CAPZB: variants seen among roughly 807,000 people sequenced by gnomAD.
CAPZB encodes F-actin-capping protein subunit beta.
A neutral mutation model predicts 38.1 loss-of-function variants in CAPZB; 2 were observed. The ratio of observed to expected loss-of-function variants is 0.05; its 90% CI spans 0.02 to 0.17. The LOEUF (loss-of-function observed/expected upper bound fraction) is 0.17, where lower values mean the gene tolerates loss of function less well. Ranked by LOEUF, CAPZB falls within the 10% of genes least tolerant of loss-of-function variation. The pLI is 1.00. For synonymous variants in CAPZB, 107 were observed against 127.4 expected (o/e 0.84, Z 1.08); for missense variants, 161 against 334.2 (o/e 0.48, Z 4.04).
At chr1:19,416,127 G>C (rs542199066) in intron 2 of CAPZB, among the ~76,000 whole-genome samples, 36 of 152,306 alleles carry the variant, frequency 2.4e-4, no homozygotes, top group African/African-American at 8.2e-4. Context: ...TAAATGGCCT[G>C]GTTCCGAGAA....
At chr1:19,365,071 T>G (rs2094076031) in intron 4 of CAPZB, among the ~76,000 whole-genome samples, 1 of 152,162 alleles carries the variant, frequency 6.6e-6, no homozygotes, top group Non-Finnish European at 1.5e-5. Context: ...CTTGAACTCC[T>G]GGGCTCAAGT....
chr1:19,351,781 A>C (rs1307238349), intron 6 of CAPZB, among the ~76,000 whole-genome samples: 1 of 151,972 alleles, frequency 6.6e-6, no homozygotes, highest in Non-Finnish European at 1.5e-5. Flanking sequence ...TGAAGGACAA[A>C]CCACAATCCA....
chr1:19,441,055 A>G, intron 1 of CAPZB, among the ~76,000 whole-genome samples: 1 of 152,200 alleles, frequency 6.6e-6, no homozygotes. Flanking sequence ...GTGAGACTCC[A>G]TCTCAAAACA....
At chr1:19,411,412 G>A (rs1469201463) in intron 2 of CAPZB, among the ~76,000 whole-genome samples, 6 of 152,178 alleles carry the variant, frequency 3.9e-5, no homozygotes, top group East Asian at 3.8e-4. Context: ...TTTCAAAATA[G>A]TTGGCTTTGG....
chr1:19,396,090 C>T (rs961956963), intron 2 of CAPZB, among the ~76,000 whole-genome samples: 3 of 152,236 alleles, frequency 2.0e-5, no homozygotes, highest in Non-Finnish European at 2.9e-5. Context: ...AAAGCCGCGA[C>T]GGCAGAGGCC....
In CAPZB at chr1:19,416,860, C is replaced by CAAAAAAAAAAAAAAAAAAAAAAAA. The variant is rs59789230; in HGVS notation, c.93+2777_93+2800dup. Among the ~76,000 whole-genome samples the CAAAAAAAAAAAAAAAAAAAAAAAA allele has an allele frequency of 5.8e-5, 4 of 69,452 alleles. 1 individual carries two copies. Among genetic ancestry groups the CAAAAAAAAAAAAAAAAAAAAAAAA allele is most frequent in the African/African-American group, 2.4e-4 (4 of 16,790 alleles). The allele number at this position is 69,452 out of a possible 152,430, so 45.6% of individuals were successfully genotyped here. A position where few individuals can be genotyped will look rare whatever the true frequency, so the allele number is the denominator to read the frequency against. On this transcript the variant is annotated intron_variant, in intron 2 of 8. Transcript: ENST00000264202. ...TGGGTGACAGAGCAAGACCCTGTCT[C>CAAAAAAAAAAAAAAAAAAAAAAAA]AAAAAAAAAAAAAAAAAAAAAAAAA...
intron 2 of CAPZB, among the ~76,000 whole-genome samples, chr1:19,417,828 G>C (rs1012001608): frequency 6.6e-6 from 1 of 152,132 alleles, no homozygotes; most frequent in South Asian, 2.1e-4. Flanking sequence ...CTAACGTGCA[G>C]CCCAATGTTT....
intron 1 of CAPZB, among the ~76,000 whole-genome samples, chr1:19,428,995 A>T (rs531412356): frequency 9.2e-5 from 14 of 152,308 alleles, no homozygotes; most frequent in African/African-American, 3.1e-4. Flanking sequence ...TCAACTTTTT[A>T]AAAAAATTCT....
chr1:19,442,345 G>C (rs72653935), intron 1 of CAPZB, among the ~76,000 whole-genome samples: 1,783 of 152,160 alleles, frequency 0.012, 21 homozygotes, highest in Non-Finnish European at 0.018. Context: ...CTGGGGAGTG[G>C]GGGGGCGTGG....
At chr1:19,412,636 C>A (rs1182853050) in intron 2 of CAPZB, among the ~76,000 whole-genome samples, 1 of 152,112 alleles carries the variant, frequency 6.6e-6, no homozygotes. Flanking sequence ...GAGGCAGGCA[C>A]CTGTGGATTT....
At chr1:19,418,308 G>A (rs777588528) in intron 2 of CAPZB, among the ~76,000 whole-genome samples, 25 of 152,190 alleles carry the variant, frequency 1.6e-4, no homozygotes, top group Admixed American at 8.5e-4. Flanking sequence ...CTTCCCACAG[G>A]GGCCTGTGCC....
At chr1:19,362,178 G>A (rs1182396939) in intron 4 of CAPZB, among the ~76,000 whole-genome samples, 1 of 142,584 alleles carries the variant, frequency 7.0e-6, no homozygotes, top group Non-Finnish European at 1.6e-5. Context: ...GGAGGTAGAA[G>A]GGGGAAATTT....
chr1:19,372,443 C>A (rs10917433), intron 4 of CAPZB, among the ~76,000 whole-genome samples: 18,376 of 152,192 alleles, frequency 0.12, 2,444 homozygotes, highest in African/African-American at 0.33. Context: ...CAGGCCAGGG[C>A]CAGACTTGAT....
intron 1 of CAPZB, among the ~76,000 whole-genome samples, chr1:19,425,117 CAGA>C (rs2094417615): frequency 6.6e-6 from 1 of 152,192 alleles, no homozygotes; most frequent in Non-Finnish European, 1.5e-5. Flanking sequence ...ACAAAATAAA[CAGA>C]AGGCCAGTCA....
chr1:19,422,556 G>A (rs2094405359), intron 1 of CAPZB, among the ~76,000 whole-genome samples: 1 of 152,130 alleles, frequency 6.6e-6, no homozygotes, highest in South Asian at 2.1e-4. Context: ...CTAACGTGGT[G>A]AATCCCCGTC....
In CAPZB at chr1:19,340,285, G is replaced by C. The variant is rs899579336; in HGVS notation, c.732-668C>G. Among the ~76,000 whole-genome samples the C allele has an allele frequency of 3.3e-5, 5 of 152,214 alleles. No homozygotes were observed. In the East Asian group the frequency reaches 7.7e-4, roughly 23 times the overall value. On this transcript the variant is annotated intron_variant, in intron 8 of 8. Transcript: ENST00000264202. ...CCTCTGCTGTGAGGCACCATCCGCT[G>C]TTAACTTGGCCCAGAAAACCCCTCA...
intron 1 of CAPZB, among the ~76,000 whole-genome samples, chr1:19,421,152 A>G (rs186667901): frequency 2.9e-4 from 44 of 152,362 alleles, no homozygotes; most frequent in Non-Finnish European, 4.7e-4. Flanking sequence ...GAAGGCCTAA[A>G]TCAACAAGCT....
At chr1:19,480,058 G>T (rs535414256) in intron 1 of CAPZB, among the ~76,000 whole-genome samples, 1 of 152,150 alleles carries the variant, frequency 6.6e-6, no homozygotes. Context: ...GCGTGGAGGA[G>T]GGGGAAATGC....
At chr1:19,442,419 A>T (rs1305697879) in intron 1 of CAPZB, among the ~76,000 whole-genome samples, 1 of 152,170 alleles carries the variant, frequency 6.6e-6, no homozygotes, top group East Asian at 1.9e-4. Context: ...TGAGTGACAG[A>T]TAATTGGGGG....
Sources: gnomAD v4.1 joint callset for allele counts (sites outside exome capture counted in the v4.1 genomes callset) on GRCh38, gnomAD v4.1.1 for gene constraint, MANE v1.5 for transcripts, NCBI Gene and HGNC (gene_info 2026-07-23, HGNC 2026-07-21) for gene names.